The following TAFA1 variants were observed in gnomAD, a reference collection of about 807,000 sequenced individuals.
TAFA1 encodes chemokine-like protein TAFA-1.
In TAFA1, 4 loss-of-function variants were observed where a neutral mutation model predicts 18.5. The ratio of observed to expected loss-of-function variants is 0.22; its 90% CI spans 0.11 to 0.49. TAFA1 has a LOEUF of 0.49. Among genes scored for constraint, TAFA1 ranks in the 20% least tolerant of loss-of-function variants. The probability of loss-of-function intolerance (pLI) is 0.98; values close to 1 mark genes in which losing one functional copy is unlikely to be tolerated. For synonymous variants in TAFA1, 56 were observed against 55.2 expected, an observed-to-expected ratio of 1.01 and a Z score of -0.06; for missense variants, 147 against 169.0, an observed-to-expected ratio of 0.87 and a Z score of 0.72.
chr3:68,479,836 A>G (rs1323991316), intron 3 of TAFA1, among the ~76,000 whole-genome samples: 1 of 152,064 alleles, frequency 6.6e-6, no homozygotes, highest in Non-Finnish European at 1.5e-5. Context: ...ATAAACATAT[A>G]TACATACATG....
intron 2 of TAFA1, among the ~76,000 whole-genome samples, chr3:68,203,321 G>A (rs1313545268): frequency 1.3e-5 from 2 of 151,470 alleles, no homozygotes; most frequent in Non-Finnish European, 3.0e-5. Flanking sequence ...TGACCTTTCT[G>A]GATCTGTGGT....
intron 2 of TAFA1, among the ~76,000 whole-genome samples, chr3:68,352,291 G>A (rs116837958): frequency 1.3e-3 from 205 of 151,968 alleles, no homozygotes; most frequent in Non-Finnish European, 2.5e-3. Context: ...GTTTATTAAC[G>A]CATGCAGTAC....
At chr3:68,516,504 T>A (rs568326590) in intron 3 of TAFA1, among the ~76,000 whole-genome samples, 1 of 152,348 alleles carries the variant, frequency 6.6e-6, no homozygotes, top group East Asian at 1.9e-4. Context: ...TAGTTTCCTT[T>A]GTGTATATTT....
intron 3 of TAFA1, among the ~76,000 whole-genome samples, chr3:68,473,225 C>T (rs116637797): frequency 0.012 from 1,837 of 152,238 alleles, 26 homozygotes; most frequent in Non-Finnish European, 0.019. Flanking sequence ...CCAAACTTCA[C>T]TCAGGAGCCT....
At chr3:68,431,117 T>C (rs2106836794) in intron 3 of TAFA1, among the ~76,000 whole-genome samples, 1 of 151,996 alleles carries the variant, frequency 6.6e-6, no homozygotes, top group South Asian at 2.1e-4. Context: ...CTATAACACC[T>C]ATACCAAAGG....
chr3:68,028,198 G>A (rs568960656), intron 2 of TAFA1, among the ~76,000 whole-genome samples: 5 of 152,098 alleles, frequency 3.3e-5, no homozygotes, highest in Non-Finnish European at 7.3e-5. Context: ...TACCCAGGAA[G>A]GTGAGGCAGG....
intron 2 of TAFA1, among the ~76,000 whole-genome samples, chr3:68,339,241 G>T (rs768123791): frequency 6.6e-6 from 1 of 152,168 alleles, no homozygotes. Flanking sequence ...TGGTTTCTGA[G>T]TGTGGCATTA....
chr3:68,016,944 A>G (rs1286428943), intron 2 of TAFA1, among the ~76,000 whole-genome samples: 1 of 152,202 alleles, frequency 6.6e-6, no homozygotes, highest in East Asian at 1.9e-4. Flanking sequence ...TTACTTAAGC[A>G]CTTTTCCACT....
At chr3:68,200,121 G>A (rs888770979) in intron 2 of TAFA1, among the ~76,000 whole-genome samples, 1 of 151,526 alleles carries the variant, frequency 6.6e-6, no homozygotes, top group Non-Finnish European at 1.5e-5. Context: ...TTAGCTTGTG[G>A]ATATGATGAA....
chr3:68,307,383 G>C (rs1193319543), intron 2 of TAFA1, among the ~76,000 whole-genome samples: 2 of 152,162 alleles, frequency 1.3e-5, no homozygotes, highest in African/African-American at 4.8e-5. Flanking sequence ...TGCTGGTCTA[G>C]AGTGGTCTTA....
At chr3:68,019,425 G>C (rs1704639746) in intron 2 of TAFA1, among the ~76,000 whole-genome samples, 1 of 152,166 alleles carries the variant, frequency 6.6e-6, no homozygotes. Context: ...ACATTTATTA[G>C]ACTTGCTCTT....
At chr3:68,501,093 C>T (rs1292717064) in intron 3 of TAFA1, among the ~76,000 whole-genome samples, 5 of 134,834 alleles carry the variant, frequency 3.7e-5, no homozygotes, top group African/African-American at 5.6e-5. Context: ...AGGAAGAGGT[C>T]GTAGTGAGCT....
rs545013434 is a variant in TAFA1, at chr3:68,410,651, T to G, written c.119-6629T>G. 2.1e-5 allele frequency among the ~76,000 whole-genome samples: 3 copies of G among 144,348 alleles called. No homozygotes were observed. In the East Asian group the frequency reaches 6.1e-4, roughly 29 times the overall value. 94.7% of individuals were successfully genotyped at this position (144,348 alleles called of 152,430 possible). A position where few individuals can be genotyped will look rare whatever the true frequency, so the allele number is the denominator to read the frequency against. The stretch of plus-strand genomic sequence containing the variant: ...AATAGGTTACTTCATCTGTCTTGTT[T>G]TTTAGATCTACAGATCCTGGGTGAA... On this transcript the variant is annotated intron_variant, in intron 2 of 4. Transcript: ENST00000478136.
At chr3:68,147,472 G>A (rs1221151544) in intron 2 of TAFA1, among the ~76,000 whole-genome samples, 3 of 151,792 alleles carry the variant, frequency 2.0e-5, no homozygotes, top group Non-Finnish European at 4.4e-5. Context: ...CTCATGCAAC[G>A]TGCCATGCCT....
intron 3 of TAFA1, among the ~76,000 whole-genome samples, chr3:68,422,324 T>C (rs1304174542): frequency 6.6e-6 from 1 of 152,102 alleles, no homozygotes; most frequent in East Asian, 1.9e-4. Context: ...ATTCCCAATC[T>C]CAGTTCCCTA....
At chr3:68,158,406 A>G (rs2065888956) in intron 2 of TAFA1, among the ~76,000 whole-genome samples, 1 of 152,028 alleles carries the variant, frequency 6.6e-6, no homozygotes, top group African/African-American at 2.4e-5. Context: ...TTCAACTTGT[A>G]AGGTGTAAGT....
At chr3:68,206,897 A>G (rs2066534092) in intron 2 of TAFA1, among the ~76,000 whole-genome samples, 1 of 151,938 alleles carries the variant, frequency 6.6e-6, no homozygotes, top group Non-Finnish European at 1.5e-5. Flanking sequence ...ATCTCCACAG[A>G]TGCTAGGAGC....
chr3:68,444,811 T>TATATAA (rs1559673107), intron 3 of TAFA1, among the ~76,000 whole-genome samples: 1 of 115,058 alleles, frequency 8.7e-6, no homozygotes, highest in Non-Finnish European at 1.8e-5. Context: ...TATATATATA[T>TATATAA]AAAATAAATT....
chr3:68,113,891 TTTTTTG>T (rs1446000168), intron 2 of TAFA1, among the ~76,000 whole-genome samples: 10,629 of 30,338 alleles, frequency 0.35, 1,005 homozygotes, highest in African/African-American at 0.44. Flanking sequence ...GGGTGTAGTT[TTTTTTG>T]TTTTTTTTTT....
Sources: allele counts gnomAD v4.1 joint callset (sites outside exome capture counted in the v4.1 genomes callset), GRCh38; gene constraint gnomAD v4.1.1; transcripts MANE v1.5; gene names NCBI Gene and HGNC (gene_info 2026-07-23, HGNC 2026-07-21).